BACE1: variants seen among roughly 807,000 people sequenced by gnomAD.
The protein encoded by BACE1 is APP beta-secretase.
In BACE1, 21 loss-of-function variants were observed where a neutral mutation model predicts 54.0. The ratio of observed to expected loss-of-function variants is 0.39; its 90% CI spans 0.28 to 0.56. The LOEUF (loss-of-function observed/expected upper bound fraction) is 0.56, where lower values mean the gene tolerates loss of function less well. BACE1 is among the 20% of genes least tolerant of loss of function. The pLI is 0.63. For synonymous variants in BACE1, 232 were observed against 260.9 expected, an observed-to-expected ratio of 0.89 and a Z score of 1.07; for missense variants, 511 against 661.2, an observed-to-expected ratio of 0.77 and a Z score of 2.49.
At position 117,288,307 on chromosome 11, in the gene BACE1, G is replaced by T. The variant is rs919682497; in HGVS notation, c.*1259C>A. On this transcript the variant is annotated 3_prime_UTR_variant, in exon 9 of 9. Transcript: ENST00000313005. ...TATAATGCTAGTGCCACTGTGTGAT[G>T]CTTTAGTCAAATAAATGGAGGGGCC... 1 of 152,374 alleles carries T rather than the reference G, an allele frequency of 6.6e-6. No individual in the cohort carries two copies. Among genetic ancestry groups the T allele is most frequent in the East Asian group, 1.9e-4 (1 of 5,194 alleles). The allele number at this position is 152,374 out of a possible 1,614,324, so 9.4% of individuals were successfully genotyped here.
At chr11:117,311,264 G>A (rs2134495208) in intron 1 of BACE1, among the ~76,000 whole-genome samples, 1 of 152,198 alleles carries the variant, frequency 6.6e-6, no homozygotes, top group East Asian at 1.9e-4. Flanking sequence ...GATCACTTGA[G>A]CCCAGGAGTT....
intron 3 of BACE1, 21 bp downstream of exon 3, chr11:117,295,110 G>T (rs766200393): frequency 1.2e-6 from 2 of 1,607,476 alleles, no homozygotes; most frequent in Non-Finnish European, 1.7e-6. Flanking sequence ...AGTGTGTAGG[G>T]CCAAGCCCTG....
In BACE1 at chr11:117,290,558, G is replaced by T. The variant is rs546758177; in HGVS notation, c.1194C>A (p.Ile398=). 16 of 1,614,204 alleles carry T rather than the reference G, an allele frequency of 9.9e-6. No homozygotes were observed. The South Asian group carries it at 1.5e-4, about 16-fold the overall frequency. Residue 398 remains isoleucine (I), a synonymous_variant, in exon 8 of 9, where the codon ATC becomes ATA. Coordinates refer to ENST00000313005, the MANE Select transcript of BACE1 (RefSeq NM_012104.6). The part of the protein sequence containing the change: ...SSTGTVMGAV[I]MEGFYVVFDR... ...CAAAGACAACGTAGAAGCCCTCCATGATAACAGCTCCCATAACAGTGCCCG... is the reference window on the plus strand; with the variant it reads ...CAAAGACAACGTAGAAGCCCTCCATTATAACAGCTCCCATAACAGTGCCCG...
rs891371580 is a variant in BACE1 at position 117,293,321 on chromosome 11, C to G, written c.706-133G>C. 8 of 879,394 alleles carry G rather than the reference C, an allele frequency of 9.1e-6. No homozygotes were observed. The highest frequency in any genetic ancestry group is 1.4e-5 in the Non-Finnish European group (8 of 590,918). The allele number at this position is 879,394 out of a possible 1,614,324, so 54.5% of individuals were successfully genotyped here. Reference sequence around the variant, plus strand: ...ACAGGCTACCCTTTTCATCTTCCTGCTTCTAAACAAATCATACCCAAAGTG... The same window carrying G: ...ACAGGCTACCCTTTTCATCTTCCTGGTTCTAAACAAATCATACCCAAAGTG... On this transcript the variant is annotated intron_variant, in intron 4 of 8. Coordinates refer to ENST00000313005, the MANE Select transcript of BACE1 (RefSeq NM_012104.6). The surrounding 1 kb of genome is among the most constrained non-coding windows in gnomAD (Gnocchi z 4.1).
At chr11:117,290,118 G>A (rs2034377197) in intron 8 of BACE1, among the ~76,000 whole-genome samples, 1 of 152,128 alleles carries the variant, frequency 6.6e-6, no homozygotes, top group South Asian at 2.1e-4. Flanking sequence ...TTAACTTTCT[G>A]CTGCTGAAAT....
At chr11:117,314,311 A>T (rs1479701624) in intron 1 of BACE1, among the ~76,000 whole-genome samples, 29 of 152,294 alleles carry the variant, frequency 1.9e-4, no homozygotes. Context: ...GAGGATGAGA[A>T]AGTGGGGAAG....
chr11:117,292,094 T>A (rs2034456383), intron 5 of BACE1: 1 of 199,012 alleles, frequency 5.0e-6, no homozygotes. Flanking sequence ...ACTTGGTAAA[T>A]GTTTATTCTT....
chr11:117,291,048 G>C lies in BACE1; in HGVS notation c.944C>G (p.Thr315Arg). Residue 315 changes from threonine (T) to arginine (R), a missense_variant and splice_region_variant, in exon 7 of 9, where the codon ACG becomes AGG. Coordinates refer to ENST00000313005, the MANE Select transcript of BACE1 (RefSeq NM_012104.6). Reference protein sequence around the residue: ...AVKSIKAASSTEKFPDGFWLG... With the variant: ...AVKSIKAASSREKFPDGFWLG... ...CCAGAAACCATCAGGGAACTTCTCCGTCTGTGTTGGCAAGAAGGGGATAAC... is the reference window on the plus strand; with the variant it reads ...CCAGAAACCATCAGGGAACTTCTCCCTCTGTGTTGGCAAGAAGGGGATAAC... 3 of 1,614,036 alleles carry C rather than the reference G, an allele frequency of 1.9e-6. No homozygotes were observed. The highest frequency in any genetic ancestry group is 2.5e-6 in the Non-Finnish European group (3 of 1,179,978).
intron 1 of BACE1, among the ~76,000 whole-genome samples, chr11:117,301,305 C>G (rs899677115): frequency 2.0e-5 from 3 of 152,210 alleles, no homozygotes; most frequent in Non-Finnish European, 2.9e-5. Context: ...AAAGATACCT[C>G]AAGGGCTGGG....
At chr11:117,305,009 C>CTG in intron 1 of BACE1, among the ~76,000 whole-genome samples, 1 of 145,620 alleles carries the variant, frequency 6.9e-6, no homozygotes, top group East Asian at 2.1e-4. Flanking sequence ...GTCACCCAGG[C>CTG]TGTAGTGCAG....
intron 1 of BACE1, among the ~76,000 whole-genome samples, chr11:117,299,912 A>G (rs994346761): frequency 6.6e-6 from 1 of 151,936 alleles, no homozygotes. Context: ...CTCCTCCACA[A>G]CAAGTCTCTG....
At chr11:117,307,257 A>G (rs1318187255) in intron 1 of BACE1, among the ~76,000 whole-genome samples, 1 of 152,154 alleles carries the variant, frequency 6.6e-6, no homozygotes, top group Non-Finnish European at 1.5e-5. Flanking sequence ...GGCTCCCAGG[A>G]GAGACAGAAG....
Position 117,291,775 on chromosome 11 carries a change from G to T in BACE1, c.879C>A (p.Thr293=). 6.2e-7 allele frequency: 1 copy of T among 1,613,422 alleles called. No homozygotes were observed. The highest frequency in any genetic ancestry group is 8.5e-7 in the Non-Finnish European group (1 of 1,179,524). Residue 293 remains threonine, a synonymous_variant, in exon 6 of 9, where the codon ACC becomes ACA. Coordinates refer to ENST00000313005, the MANE Select transcript of BACE1 (RefSeq NM_012104.6). The part of the protein sequence containing the change: ...YDKSIVDSGT[T]NLRLPKKVFE... ...ACACTTTCTTGGGCAAACGAAGGTT[G>T]GTGGTGCCACTGTCCACAATGCTCT...
At chr11:117,292,170 A>ACTTTT in intron 5 of BACE1, 1 of 144,522 alleles carries the variant, frequency 6.9e-6, no homozygotes, top group Non-Finnish European at 1.5e-5. Context: ...AGTGCTTTTA[A>ACTTTT]CTTTTCTTTT....
chr11:117,291,878 G>A (rs2034449927), intron 5 of BACE1, 65 bp from the exon 6 acceptor site: 2 of 1,279,168 alleles, frequency 1.6e-6, no homozygotes, highest in African/African-American at 1.5e-5. Flanking sequence ...TGGGCAGTAG[G>A]GGGTTACTGC....
chr11:117,288,901 C>G lies in BACE1; in HGVS notation c.*665G>C, dbSNP rs948676886. On this transcript the variant is annotated 3_prime_UTR_variant, in exon 9 of 9. Transcript: ENST00000313005. Reference sequence around the variant, plus strand: ...TTGGAGATGAGGTCTAAAACTAGGACTGGTGAGTGGTTGTGTTTCTGCCTT... The same window carrying G: ...TTGGAGATGAGGTCTAAAACTAGGAGTGGTGAGTGGTTGTGTTTCTGCCTT... 6.6e-6 allele frequency: 1 copy of G among 152,408 alleles called. No homozygotes were observed. Among genetic ancestry groups the G allele is most frequent in the African/African-American group, 2.4e-5 (1 of 41,428 alleles). The allele number at this position is 152,408 out of a possible 1,614,324, so 9.4% of individuals were successfully genotyped here.
In BACE1 at chr11:117,291,695, ATCCT is replaced by A; in HGVS notation, c.942+13_942+16del. On this transcript the variant is annotated intron_variant, in intron 6 of 8. Coordinates refer to ENST00000313005, the MANE Select transcript of BACE1 (RefSeq NM_012104.6). ...ACACTGTACCATCTCTTTTACCCCC[ATCCT>A]TAGTCCACTCACGGAGGAGGCTGCC... 6.3e-7 allele frequency: 1 copy of A among 1,580,148 alleles called. No homozygotes were observed. Among genetic ancestry groups the A allele is most frequent in the East Asian group, 2.2e-5 (1 of 44,624 alleles).
intron 1 of BACE1, among the ~76,000 whole-genome samples, chr11:117,305,342 C>T (rs1438976815): frequency 6.6e-6 from 1 of 152,186 alleles, no homozygotes; most frequent in Non-Finnish European, 1.5e-5. Context: ...ACAGAGCACA[C>T]AGCTCCTGTC....
intron 1 of BACE1, among the ~76,000 whole-genome samples, chr11:117,307,598 C>T (rs1285303705): frequency 6.6e-6 from 1 of 152,216 alleles, no homozygotes; most frequent in Non-Finnish European, 1.5e-5. Context: ...AGGTGTGAGC[C>T]ACTGTGCCTG....
Sources: gnomAD v4.1 joint callset for allele counts (sites outside exome capture counted in the v4.1 genomes callset) on GRCh38, gnomAD v4.1.1 for gene constraint, Gnocchi (gnomAD v3.1) non-coding constraint, MANE v1.5 for transcripts, NCBI Gene and HGNC (gene_info 2026-07-23, HGNC 2026-07-21) for gene names.